Variants in MICB observed in about 807,000 individuals in gnomAD.
MICB encodes the protein MHC class I polypeptide-related sequence B, also known as MHC class I antigen-related protein B.
MICB carries 27 observed loss-of-function variants against 34.3 expected under a neutral mutation model. The ratio of observed to expected loss-of-function variants is 0.79; its 90% CI spans 0.58 to 1.08. The LOEUF (loss-of-function observed/expected upper bound fraction) is 1.08. MICB is among the 50% of genes least tolerant of loss of function. MICB has a pLI of 0.00. For synonymous variants in MICB, 153 were observed against 187.4 expected, an observed-to-expected ratio of 0.82 and a Z score of 1.50; for missense variants, 426 against 483.1, an observed-to-expected ratio of 0.88 and a Z score of 1.11.
upstream of MICB, chr6:31,496,923 G>C (rs1428547180): frequency 6.6e-6 from 1 of 152,356 alleles, no homozygotes; most frequent in Admixed American, 6.5e-5. Context: ...CAGAGCCCAC[G>C]TTTACTGCAA....
Position 31,507,278 on chromosome 6 carries a change from C to G in MICB, c.870C>G (p.His290Gln). 5 of 1,613,272 alleles carry G rather than the reference C, an allele frequency of 3.1e-6. No homozygotes were observed. Among genetic ancestry groups the G allele is most frequent in the Non-Finnish European group, 4.2e-6 (5 of 1,179,564 alleles). ...FTCYMEHSGNHGTHPVPSGKA... is the reference protein window; with the variant it reads ...FTCYMEHSGNQGTHPVPSGKA... ...GCTACATGGAACACAGCGGGAATCACGGCACTCACCCTGTGCCCTCTGGTG... is the reference window on the plus strand; with the variant it reads ...GCTACATGGAACACAGCGGGAATCAGGGCACTCACCCTGTGCCCTCTGGTG... Residue 290 changes from histidine (H) to glutamine (Q), a missense_variant, in exon 4 of 6, where the codon CAC becomes CAG. By Grantham distance (24) the His-to-Gln change is conservative. Coordinates refer to ENST00000252229, the MANE Select transcript of MICB (RefSeq NM_005931.5). This position sits in a 1 kb window ranked among gnomAD's most constrained non-coding sequence, Gnocchi z 6.0.
At position 31,507,276 on chromosome 6, in the gene MICB, C is replaced by A; in HGVS notation, c.868C>A (p.His290Asn). 1 of 1,613,454 alleles carries A rather than the reference C, an allele frequency of 6.2e-7. No homozygotes were observed. ...FTCYMEHSGN[H>N]GTHPVPSGKA... ...CTGCTACATGGAACACAGCGGGAAT[C>A]ACGGCACTCACCCTGTGCCCTCTGG... Residue 290 changes from histidine to asparagine, a missense_variant, in exon 4 of 6, where the codon CAC becomes AAC. His to Asn is a moderately conservative substitution (Grantham distance 68, BLOSUM62 1). Transcript: ENST00000252229. This position sits in a 1 kb window ranked among gnomAD's most constrained non-coding sequence, Gnocchi z 6.0.
At chr6:31,498,381 A>T in intron 1 of MICB, 118 bp downstream of exon 1, 3 of 580,508 alleles carry the variant, frequency 5.2e-6, no homozygotes, top group Non-Finnish European at 5.1e-6. Flanking sequence ...TGCTGTCTGG[A>T]GTGCAGGGAG....
At position 31,507,464 on chromosome 6, in the gene MICB, T is replaced by A. The variant is rs201731965; in HGVS notation, c.957T>A (p.Cys319Ter). 7.9e-5 allele frequency: 127 copies of A among 1,613,966 alleles called. No individual in the cohort carries two copies. Among genetic ancestry groups the A allele is most frequent in the Non-Finnish European group, 9.6e-5 (113 of 1,180,014 alleles). The change falls in exon 5 of 6, where the codon TGT (cysteine) becomes TGA (stop). Residue 319 changes from cysteine to a stop codon, truncating the protein, a stop_gained. Transcript: ENST00000252229. LOFTEE classifies it high-confidence loss of function. This position sits in a 1 kb window ranked among gnomAD's most constrained non-coding sequence, Gnocchi z 6.0. ...CATATGTTTCTGCTGCTATGCCATG[T>A]TTTGTTATTATTATTATTCTCTGTG... ...DFPYVSAAMP[C>*]FVIIIILCVP...
At position 31,506,421 on chromosome 6, in the gene MICB, A is replaced by G. The variant is rs1365947597; in HGVS notation, c.604A>G (p.Arg202Gly). The part of the protein sequence containing the change: ...QRYLKSGVAI[R>G]RTVPPMVNVT... ...ATATCTGAAATCCGGGGTGGCCATC[A>G]GGAGAACAGGTACCGACCCTGGCCA... is the stretch of plus-strand genomic sequence containing the variant. Residue 202 changes from arginine to glycine, a missense_variant, in exon 3 of 6, where the codon AGG becomes GGG. Arg to Gly is a moderately radical substitution (Grantham distance 125, BLOSUM62 -2). Transcript: ENST00000252229. 2 of 1,613,974 alleles carry G rather than the reference A, an allele frequency of 1.2e-6. No individual in the cohort carries two copies. Among genetic ancestry groups the G allele is most frequent in the Non-Finnish European group, 1.7e-6 (2 of 1,179,920 alleles).
intron 1 of MICB, among the ~76,000 whole-genome samples, chr6:31,504,024 A>G (rs2855811): frequency 0.76 from 112,488 of 148,768 alleles, 42,655 homozygotes; most frequent in Admixed American, 0.82. Context: ...GTGGTATCTC[A>G]TTGTGGTTTG....
At chr6:31,506,013 A>T in intron 2 of MICB, 130 bp from the exon 3 acceptor site, 1 of 1,476,984 alleles carries the variant, frequency 6.8e-7, no homozygotes, top group African/African-American at 1.4e-5. Context: ...CAGGGTGGTG[A>T]GCCGGAACTC....
Position 31,507,417 on chromosome 6 carries a change from CAG to C in MICB, c.913_914del (p.Gln306ThrfsTer75). On this transcript the variant is annotated frameshift_variant, in exon 5 of 6. Transcript: ENST00000252229. LOFTEE classifies it high-confidence loss of function. The surrounding 1 kb of genome is among the most constrained non-coding windows in gnomAD (Gnocchi z 6.0). The stretch of plus-strand genomic sequence containing the variant: ...TTTTTCAGGGAAGGCGCTGGTGCTT[CAG>C]AGTCAACGGACAGACTTTCCATATG... ...PVPSGKALVL[Q>X]SQRTDFPYVS... The C allele has an allele frequency of 6.2e-7, 1 of 1,614,138 alleles. No homozygotes were observed. The highest frequency in any genetic ancestry group is 2.2e-5 in the East Asian group (1 of 44,878).
In MICB at chr6:31,507,074, C is replaced by T. The variant is rs753521356; in HGVS notation, c.666C>T (p.Thr222=). The T allele has an allele frequency of 1.1e-4, 185 of 1,613,964 alleles. 1 individual carries two copies. The highest frequency in any genetic ancestry group is 4.4e-4 in the South Asian group (40 of 91,076). ...GCGAGGTCTCAGAGGGCAACATCAC[C>T]GTGACATGCAGGGCTTCCAGCTTCT... ...TCSEVSEGNI[T]VTCRASSFYP... The change falls in exon 4 of 6, where the codon ACC becomes ACT. Residue 222 remains threonine, a synonymous_variant. Coordinates refer to ENST00000252229, the MANE Select transcript of MICB (RefSeq NM_005931.5). The surrounding 1 kb of genome is among the most constrained non-coding windows in gnomAD (Gnocchi z 6.0).
chr6:31,505,596 C>G, intron 1 of MICB, 21 bp from the exon 2 acceptor site: 1 of 1,608,568 alleles, frequency 6.2e-7, no homozygotes, highest in East Asian at 2.2e-5. Context: ...GAAGTTTCAC[C>G]TGTGATTTCC....
upstream of MICB, among the ~76,000 whole-genome samples, chr6:31,497,437 C>T (rs1764725966): frequency 6.6e-6 from 1 of 151,924 alleles, no homozygotes; most frequent in Non-Finnish European, 1.5e-5. Flanking sequence ...CCTCGTTGGC[C>T]CTGTGATTAC....
At chr6:31,499,502 A>G (rs896021411) in intron 1 of MICB, among the ~76,000 whole-genome samples, 7 of 141,056 alleles carry the variant, frequency 5.0e-5, no homozygotes, top group Non-Finnish European at 1.1e-4. Context: ...ATGCCTCCCC[A>G]TTCCCAAATG....
chr6:31,502,323 C>A (rs1765060596), intron 1 of MICB, among the ~76,000 whole-genome samples: 1 of 152,114 alleles, frequency 6.6e-6, no homozygotes, highest in Non-Finnish European at 1.5e-5. Context: ...GCAACAGGAG[C>A]AAAACTCCAT....
Position 31,507,655 on chromosome 6 carries a change from G to C in MICB, c.1024+124G>C. 5.7e-6 allele frequency: 7 copies of C among 1,227,058 alleles called. No individual in the cohort carries two copies. The highest frequency in any genetic ancestry group is 8.1e-6 in the Non-Finnish European group (7 of 866,676). 76.0% of individuals were successfully genotyped at this position (1,227,058 alleles called of 1,614,324 possible). A position where few individuals can be genotyped will look rare whatever the true frequency, so the allele number is the denominator to read the frequency against. On this transcript the variant is annotated intron_variant, in intron 5 of 5. Transcript: ENST00000252229. This position sits in a 1 kb window ranked among gnomAD's most constrained non-coding sequence, Gnocchi z 6.0. ...TGCTGGGACAGGGGATGGAAGCTGG[G>C]GTATTTGGGAGGGGAATGGGAGCTG...
intron 1 of MICB, among the ~76,000 whole-genome samples, chr6:31,503,837 TTTTTAA>T (rs1208372612): frequency 6.6e-6 from 1 of 152,192 alleles, no homozygotes; most frequent in African/African-American, 2.4e-5. Flanking sequence ...GGTATTTCAT[TTTTTAA>T]TTTTTAGAGG....
Position 31,507,029 on chromosome 6 carries a change from C to CA in MICB, c.622dup (p.Met208AsnfsTer52). The CA allele has an allele frequency of 6.2e-7, 1 of 1,613,190 alleles. No individual in the cohort carries two copies. Among genetic ancestry groups the CA allele is most frequent in the East Asian group, 2.2e-5 (1 of 44,888 alleles). On this transcript the variant is annotated frameshift_variant, in exon 4 of 6. Transcript: ENST00000252229. LOFTEE classifies it high-confidence loss of function. The surrounding 1 kb of genome is among the most constrained non-coding windows in gnomAD (Gnocchi z 6.0). ...CTGCCCTTTCTTCTCCAGTGCCCCC[C>CA]ATGGTGAATGTCACCTGCAGCGAGG...
At chr6:31,504,248 C>CTT (rs41283858) in intron 1 of MICB, among the ~76,000 whole-genome samples, 786 of 71,156 alleles carry the variant, frequency 0.011, 20 homozygotes, top group East Asian at 0.04. Context: ...TAATCTCTCT[C>CTT]TTTTTCTTTT....
At chr6:31,505,532 G>C in intron 1 of MICB, 85 bp from the exon 2 acceptor site, 1 of 1,566,198 alleles carries the variant, frequency 6.4e-7, no homozygotes, top group South Asian at 1.2e-5. Context: ...TCCTCAGGGA[G>C]GTCGGGACAG....
rs768916651 is a variant in MICB, at chr6:31,505,619, C to T, written c.73C>T (p.Pro25Ser). ...ACCTGTGATTTCCTCTTCCCCAGAG[C>T]CCCACAGTCTTCGTTACAACCTCAT... is the stretch of plus-strand genomic sequence containing the variant. ...PFAPPAAAAEPHSLRYNLMVL... is the reference protein window; with the variant it reads ...PFAPPAAAAESHSLRYNLMVL... Residue 25 changes from proline (P) to serine (S), a missense_variant and splice_region_variant, in exon 2 of 6, where the codon CCC becomes TCC. By Grantham distance (74) the Pro-to-Ser change is moderately conservative. Transcript: ENST00000252229. The T allele has an allele frequency of 3.7e-6, 6 of 1,611,940 alleles. 1 individual carries two copies. The highest frequency in any genetic ancestry group is 1.3e-5 in the African/African-American group (1 of 74,902).
Sources: allele counts gnomAD v4.1 joint callset (sites outside exome capture counted in the v4.1 genomes callset), GRCh38; gene constraint gnomAD v4.1.1; non-coding constraint Gnocchi (gnomAD v3.1); transcripts MANE v1.5; gene names NCBI Gene and HGNC (gene_info 2026-07-23, HGNC 2026-07-21).